The following PCDH15 variants were observed in gnomAD, a reference collection of about 807,000 sequenced individuals.
The protein encoded by PCDH15 is protocadherin related 15.
Under a neutral mutation model 178.5 loss-of-function variants are expected in PCDH15, and 129 were observed. The ratio of observed to expected loss-of-function variants is 0.72; its 90% CI spans 0.63 to 0.84. The LOEUF (loss-of-function observed/expected upper bound fraction) is 0.84, where lower values mean the gene tolerates loss of function less well. Among genes scored for constraint, PCDH15 ranks in the 40% least tolerant of loss-of-function variants. The probability of loss-of-function intolerance (pLI) is 0.00; values close to 1 mark genes in which losing one functional copy is unlikely to be tolerated. For missense variants in PCDH15, 2,230 were observed against 2,099.9 expected, an observed-to-expected ratio of 1.06 and a Z score of -1.21; for synonymous variants, 800 against 732.0, an observed-to-expected ratio of 1.09 and a Z score of -1.50.
intron 25 of PCDH15, among the ~76,000 whole-genome samples, chr10:53,921,796 G>A (rs1197468707): frequency 2.0e-5 from 3 of 152,120 alleles, no homozygotes; most frequent in African/African-American, 7.2e-5. Flanking sequence ...GTATAAGCCA[G>A]TCAGAAGTGG....
intron 2 of PCDH15, among the ~76,000 whole-genome samples, chr10:54,937,857 T>G (rs561765935): frequency 6.6e-6 from 1 of 152,162 alleles, no homozygotes; most frequent in African/African-American, 2.4e-5. Context: ...CCAAACTACC[T>G]TGTCTAGAAC....
intron 2 of PCDH15, among the ~76,000 whole-genome samples, chr10:55,547,518 G>A (rs953745012): frequency 1.3e-5 from 2 of 152,074 alleles, no homozygotes; most frequent in Non-Finnish European, 1.5e-5. Context: ...AACACATAGA[G>A]AGCAAGGTGA....
chr10:55,447,496 A>G (rs1179805442), intron 2 of PCDH15, among the ~76,000 whole-genome samples: 2 of 152,084 alleles, frequency 1.3e-5, no homozygotes, highest in African/African-American at 2.4e-5. Flanking sequence ...CTATGCTGAC[A>G]TGAGATCCTA....
At chr10:54,909,794 G>A (rs1270733216) in intron 2 of PCDH15, among the ~76,000 whole-genome samples, 5 of 152,000 alleles carry the variant, frequency 3.3e-5, no homozygotes, top group African/African-American at 7.2e-5. Flanking sequence ...GCACCACCTC[G>A]GACCTGCTCC....
At chr10:55,234,997 A>G (rs549920607) in intron 1 of PCDH15, among the ~76,000 whole-genome samples, 1 of 152,216 alleles carries the variant, frequency 6.6e-6, no homozygotes, top group Admixed American at 6.5e-5. Context: ...TCCATAATGA[A>G]AACCCTGCCA....
chr10:53,929,894 C>T (rs1485802257), intron 25 of PCDH15, among the ~76,000 whole-genome samples: 5 of 152,056 alleles, frequency 3.3e-5, no homozygotes, highest in African/African-American at 9.7e-5. Flanking sequence ...CAAAAATTGC[C>T]ACTTCAATTA....
chr10:55,345,534 T>A (rs924809884), intron 2 of PCDH15, among the ~76,000 whole-genome samples: 18 of 152,110 alleles, frequency 1.2e-4, no homozygotes, highest in African/African-American at 3.9e-4. Context: ...ACTCTATAAA[T>A]CAGACCTATA....
intron 15 of PCDH15, among the ~76,000 whole-genome samples, chr10:54,102,745 C>T (rs1406288101): frequency 6.6e-6 from 1 of 152,160 alleles, no homozygotes; most frequent in Non-Finnish European, 1.5e-5. Flanking sequence ...CTAAGTATGC[C>T]TATGCCAATT....
intron 1 of PCDH15, among the ~76,000 whole-genome samples, chr10:55,300,468 A>G (rs1254337934): frequency 6.6e-6 from 1 of 152,174 alleles, no homozygotes; most frequent in Admixed American, 6.5e-5. Flanking sequence ...ATTTTCTGTC[A>G]AGCAATATAC....
intron 25 of PCDH15, among the ~76,000 whole-genome samples, chr10:53,918,419 C>T (rs1589415596): frequency 6.6e-6 from 1 of 152,206 alleles, no homozygotes; most frequent in Admixed American, 6.5e-5. Context: ...GTAATAACAG[C>T]AAAGGTAAAT....
At chr10:54,044,554 A>G (rs946130431) in intron 18 of PCDH15, among the ~76,000 whole-genome samples, 10 of 152,128 alleles carry the variant, frequency 6.6e-5, no homozygotes, top group Non-Finnish European at 1.5e-4. Context: ...CTTAGTGTCA[A>G]TGTGAGTGGA....
chr10:54,572,941 C>T (rs1259540272), intron 2 of PCDH15, among the ~76,000 whole-genome samples: 10 of 152,042 alleles, frequency 6.6e-5, no homozygotes, highest in Admixed American at 6.6e-4. Context: ...ATTTTGTATC[C>T]TTGAGGAAAT....
chr10:54,125,535 G>A (rs576883190), intron 15 of PCDH15, among the ~76,000 whole-genome samples: 2 of 152,146 alleles, frequency 1.3e-5, no homozygotes, highest in Admixed American at 1.3e-4. Context: ...GCTATTGAAG[G>A]GATTGTGGGC....
chr10:53,933,508 C>CT (rs1453387567), intron 25 of PCDH15, among the ~76,000 whole-genome samples: 3 of 151,616 alleles, frequency 2.0e-5, no homozygotes, highest in Non-Finnish European at 2.9e-5. Flanking sequence ...TGAACTCATC[C>CT]TTTTTTATGG....
chr10:54,329,171 G>C (rs1564979153), intron 7 of PCDH15, among the ~76,000 whole-genome samples: 1 of 151,788 alleles, frequency 6.6e-6, no homozygotes, highest in Non-Finnish European at 1.5e-5. Context: ...TGCCTTTAGT[G>C]TACCTTAGAA....
At chr10:54,728,571 AT>A (rs890384596) in intron 1 of PCDH15, among the ~76,000 whole-genome samples, 13 of 151,396 alleles carry the variant, frequency 8.6e-5, no homozygotes, top group African/African-American at 2.9e-4. Context: ...TCAACATGAT[AT>A]TGGAAGTCCT....
chr10:55,556,991 C>A (rs914982934), intron 2 of PCDH15, among the ~76,000 whole-genome samples: 1 of 152,010 alleles, frequency 6.6e-6, no homozygotes, highest in Non-Finnish European at 1.5e-5. Context: ...GGTTTCTTCA[C>A]CTTATTGATT....
At chr10:54,064,345 T>C (rs1419160923) in intron 18 of PCDH15, among the ~76,000 whole-genome samples, 1 of 152,150 alleles carries the variant, frequency 6.6e-6, no homozygotes, top group Non-Finnish European at 1.5e-5. Flanking sequence ...ACATGTTGAT[T>C]GGTCCACGGG....
intron 3 of PCDH15, 49 bp from the exon 4 acceptor site, chr10:54,378,991 T>C (rs1164405405): frequency 1.2e-6 from 2 of 1,604,292 alleles, no homozygotes; most frequent in South Asian, 2.2e-5. Flanking sequence ...TCATATGAAT[T>C]CTTTAGCAAA....
Sources: gnomAD v4.1 joint callset for allele counts (sites outside exome capture counted in the v4.1 genomes callset) on GRCh38, gnomAD v4.1.1 for gene constraint, MANE v1.5 for transcripts, NCBI Gene and HGNC (gene_info 2026-07-23, HGNC 2026-07-21) for gene names.